Variants in ATP8B4 observed in about 807,000 individuals in gnomAD.
ATP8B4 encodes the protein probable phospholipid-transporting ATPase IM.
Under a neutral mutation model 145.6 loss-of-function variants are expected in ATP8B4, and 133 were observed. The ratio of observed to expected loss-of-function variants is 0.91; its 90% CI spans 0.79 to 1.05. The LOEUF is 1.05. ATP8B4 is among the 50% of genes least tolerant of loss of function. The probability of loss-of-function intolerance (pLI) is 0.00; values close to 1 mark genes in which losing one functional copy is unlikely to be tolerated. For synonymous variants in ATP8B4, 507 were observed against 492.9 expected (o/e 1.03, Z -0.38); for missense variants, 1,458 against 1,425.2 (o/e 1.02, Z -0.37).
intron 2 of ATP8B4, among the ~76,000 whole-genome samples, chr15:50,086,323 C>A (rs1600282109): frequency 4.2e-5 from 2 of 47,992 alleles, no homozygotes; most frequent in South Asian, 7.3e-4. Flanking sequence ...ATATAGAGAT[C>A]TATATTTATT....
intron 15 of ATP8B4, among the ~76,000 whole-genome samples, chr15:49,932,001 G>C (rs2041302659): frequency 6.6e-6 from 1 of 151,388 alleles, no homozygotes; most frequent in Admixed American, 6.6e-5. Context: ...TATAGAGAGA[G>C]AGAGTTTATA....
At chr15:49,972,161 T>C in intron 13 of ATP8B4, among the ~76,000 whole-genome samples, 1 of 151,964 alleles carries the variant, frequency 6.6e-6, no homozygotes, top group Non-Finnish European at 1.5e-5. Context: ...TTAGGAGAAA[T>C]ACCTAATGTA....
chr15:50,163,409 G>A (rs2044549545), intron 1 of ATP8B4, among the ~76,000 whole-genome samples: 1 of 152,200 alleles, frequency 6.6e-6, no homozygotes, highest in Non-Finnish European at 1.5e-5. Context: ...GGTGGTCTTG[G>A]TAAGATTTAG....
At chr15:50,063,278 T>C (rs74012878) in intron 3 of ATP8B4, among the ~76,000 whole-genome samples, 6,846 of 152,136 alleles carry the variant, frequency 0.045, 193 homozygotes, top group African/African-American at 0.077. Context: ...GGCCATGTTC[T>C]TCATTGTGTT....
intron 3 of ATP8B4, among the ~76,000 whole-genome samples, chr15:50,064,040 A>C (rs2053210688): frequency 6.6e-6 from 1 of 152,188 alleles, no homozygotes. Flanking sequence ...ATAAAAGCAC[A>C]GACAGGACAT....
At chr15:50,000,490 G>A (rs575961078) in intron 8 of ATP8B4, among the ~76,000 whole-genome samples, 3 of 152,026 alleles carry the variant, frequency 2.0e-5, no homozygotes, top group Non-Finnish European at 2.9e-5. Context: ...CCATTTGTAC[G>A]TCCTCTTTGG....
intron 10 of ATP8B4, among the ~76,000 whole-genome samples, chr15:49,986,612 G>A (rs1004070797): frequency 6.6e-5 from 10 of 152,314 alleles, no homozygotes; most frequent in African/African-American, 2.4e-4. Flanking sequence ...AGGAAGGTCA[G>A]TTAAGAAAAA....
At chr15:50,085,942 TATG>T (rs2054942462) in intron 2 of ATP8B4, among the ~76,000 whole-genome samples, 1 of 96,866 alleles carries the variant, frequency 1.0e-5, no homozygotes, top group Non-Finnish European at 1.8e-5. Context: ...TATATTTATA[TATG>T]ATATATATCA....
intron 2 of ATP8B4, among the ~76,000 whole-genome samples, chr15:50,083,052 G>C (rs1476082117): frequency 6.6e-6 from 1 of 152,194 alleles, no homozygotes; most frequent in Non-Finnish European, 1.5e-5. Context: ...AAAGGTCAAA[G>C]AGAGGGGGAA....
At chr15:49,981,152 G>A (rs532732461) in intron 11 of ATP8B4, 54 bp downstream of exon 11, 7 of 1,377,990 alleles carry the variant, frequency 5.1e-6, no homozygotes, top group East Asian at 4.6e-5. Context: ...GCAAGATTCA[G>A]TAAATGTACT....
chr15:50,005,516 G>A (rs960933615), intron 7 of ATP8B4, among the ~76,000 whole-genome samples: 1 of 152,046 alleles, frequency 6.6e-6, no homozygotes, highest in Non-Finnish European at 1.5e-5. Context: ...GAACCCAGGA[G>A]GTCATATCTG....
chr15:49,953,232 C>G (rs1003687790), intron 14 of ATP8B4, among the ~76,000 whole-genome samples: 2 of 152,070 alleles, frequency 1.3e-5, no homozygotes, highest in African/African-American at 4.8e-5. Flanking sequence ...CACTTTGTCT[C>G]TTGGTGGAAG....
intron 7 of ATP8B4, among the ~76,000 whole-genome samples, chr15:50,006,131 A>AT (rs2048281069): frequency 6.6e-6 from 1 of 152,156 alleles, no homozygotes; most frequent in Non-Finnish European, 1.5e-5. Flanking sequence ...ATAAATGCAT[A>AT]TTGATTACTA....
chr15:50,014,112 G>A (rs1452334377), intron 6 of ATP8B4, among the ~76,000 whole-genome samples: 3 of 152,146 alleles, frequency 2.0e-5, no homozygotes, highest in African/African-American at 7.2e-5. Flanking sequence ...TAATGCTCCT[G>A]ATTTCCCACC....
chr15:49,932,003 G>A (rs2041303018), intron 15 of ATP8B4, among the ~76,000 whole-genome samples: 1 of 151,102 alleles, frequency 6.6e-6, no homozygotes, highest in East Asian at 1.9e-4. Context: ...TAGAGAGAGA[G>A]AGTTTATAAA....
At chr15:50,041,112 C>T (rs1332124388) in intron 5 of ATP8B4, among the ~76,000 whole-genome samples, 2 of 152,140 alleles carry the variant, frequency 1.3e-5, no homozygotes, top group African/African-American at 4.8e-5. Context: ...ACCATTTATT[C>T]CTCTATGAAG....
At chr15:50,157,353 AG>A (rs2044435054) in intron 1 of ATP8B4, among the ~76,000 whole-genome samples, 1 of 152,366 alleles carries the variant, frequency 6.6e-6, no homozygotes, top group Non-Finnish European at 1.5e-5. Flanking sequence ...AGAAAAGATG[AG>A]CCATGGAAGT....
At chr15:50,120,571 A>G (rs1178098051), upstream of ATP8B4, among the ~76,000 whole-genome samples, 1 of 152,164 alleles carries the variant, frequency 6.6e-6, no homozygotes, top group African/African-American at 2.4e-5. Context: ...TTTTTAAAGG[A>G]AACTGAGTAT....
At chr15:50,094,203 G>A (rs2055802772) in intron 2 of ATP8B4, among the ~76,000 whole-genome samples, 1 of 152,120 alleles carries the variant, frequency 6.6e-6, no homozygotes, top group Non-Finnish European at 1.5e-5. Flanking sequence ...CACCGTCCCT[G>A]ATGTGTGTGG....
Sources: gnomAD v4.1 joint callset for allele counts (sites outside exome capture counted in the v4.1 genomes callset) on GRCh38, gnomAD v4.1.1 for gene constraint, MANE v1.5 for transcripts, NCBI Gene and HGNC (gene_info 2026-07-23, HGNC 2026-07-21) for gene names.